CCDC126: variants seen among roughly 807,000 people sequenced by gnomAD.
CCDC126 encodes the protein coiled-coil domain-containing protein 126.
Under a neutral mutation model 11.7 loss-of-function variants are expected in CCDC126, and 5 were observed. That is an observed-to-expected ratio of 0.43 (90% CI 0.22 to 0.90). The LOEUF is 0.90. Among genes scored for constraint, CCDC126 ranks in the 40% least tolerant of loss-of-function variants. The pLI is 0.27. For synonymous variants in CCDC126, 60 were observed against 61.9 expected (o/e 0.97, Z 0.14); for missense variants, 150 against 163.1 (o/e 0.92, Z 0.44).
At chr7:23,617,370 A>G (rs896200931) in intron 3 of CCDC126, among the ~76,000 whole-genome samples, 2 of 151,592 alleles carry the variant, frequency 1.3e-5, no homozygotes, top group East Asian at 1.9e-4. Flanking sequence ...AAAAAAAAAA[A>G]AAAAGAAAAG....
intron 3 of CCDC126, among the ~76,000 whole-genome samples, chr7:23,638,415 T>C (rs373271195): frequency 5.0e-5 from 4 of 80,168 alleles, no homozygotes; most frequent in African/African-American, 1.2e-4. Context: ...TGTGACCTTA[T>C]CTCCAACCCT....
intron 3 of CCDC126, among the ~76,000 whole-genome samples, chr7:23,632,710 GTTAATTT>G (rs1318571732): frequency 2.6e-5 from 4 of 152,172 alleles, no homozygotes; most frequent in African/African-American, 9.6e-5. Context: ...AAAACAAAAA[GTTAATTT>G]AACAATTAAG....
chr7:23,603,827 A>T (rs1782579152), intron 2 of CCDC126, among the ~76,000 whole-genome samples: 1 of 152,144 alleles, frequency 6.6e-6, no homozygotes, highest in South Asian at 2.1e-4. Flanking sequence ...GTGACGGCTG[A>T]TTGTTCACTA....
chr7:23,629,603 A>G (rs1017920493), intron 3 of CCDC126, among the ~76,000 whole-genome samples: 1 of 152,200 alleles, frequency 6.6e-6, no homozygotes, highest in African/African-American at 2.4e-5. Context: ...AAAAAAAAAA[A>G]TAGAAAGTCT....
At chr7:23,616,697 A>G (rs1006526219) in intron 3 of CCDC126, among the ~76,000 whole-genome samples, 1 of 151,988 alleles carries the variant, frequency 6.6e-6, no homozygotes, top group South Asian at 2.1e-4. Flanking sequence ...ATGTGACTTA[A>G]TTTTTGGAAT....
At position 23,642,942 on chromosome 7, in the gene CCDC126, A is replaced by G. The variant is rs755043497; in HGVS notation, c.250A>G (p.Arg84Gly). ...ATTTATTCCCCTAGCGGATCTGAAA[A>G]GAACAATTGCTGTCCTTCTGGATGA... ...ASMAGYADLK[R>G]TIAVLLDDIL... Residue 84 changes from arginine to glycine, a missense_variant, in exon 4 of 4, where the codon AGA (arginine) becomes GGA (glycine). Physicochemically the swap from Arg to Gly is moderately radical, Grantham distance 125. Coordinates refer to ENST00000307471, the MANE Select transcript of CCDC126 (RefSeq NM_138771.4). 1.2e-5 allele frequency: 20 copies of G among 1,613,764 alleles called. No individual in the cohort carries two copies. The South Asian group carries it at 2.0e-4, about 16-fold the overall frequency.
intron 3 of CCDC126, among the ~76,000 whole-genome samples, chr7:23,613,441 T>A (rs1412332413): frequency 6.6e-6 from 1 of 152,248 alleles, no homozygotes; most frequent in African/African-American, 2.4e-5. Flanking sequence ...CCACCCATTT[T>A]AAATTCTTTC....
intron 3 of CCDC126, among the ~76,000 whole-genome samples, chr7:23,636,273 C>T: frequency 6.6e-6 from 1 of 152,022 alleles, no homozygotes; most frequent in Non-Finnish European, 1.5e-5. Flanking sequence ...AGCCTCTGCC[C>T]AGCCGCCACC....
intron 3 of CCDC126, among the ~76,000 whole-genome samples, chr7:23,635,237 T>C (rs928180295): frequency 1.3e-5 from 2 of 152,192 alleles, no homozygotes; most frequent in African/African-American, 4.8e-5. Context: ...TTTCAAACAT[T>C]TGTCGAGTGT....
chr7:23,643,187 C>A lies in CCDC126; in HGVS notation c.*72C>A. The A allele has an allele frequency of 1.5e-6, 2 of 1,364,800 alleles. No individual in the cohort carries two copies. Among genetic ancestry groups the A allele is most frequent in the Non-Finnish European group, 2.0e-6 (2 of 987,590 alleles). 84.5% of individuals were successfully genotyped at this position (1,364,800 alleles called of 1,614,324 possible). A position where few individuals can be genotyped will look rare whatever the true frequency, so the allele number is the denominator to read the frequency against. On this transcript the variant is annotated 3_prime_UTR_variant, in exon 4 of 4. Coordinates refer to ENST00000307471, the MANE Select transcript of CCDC126 (RefSeq NM_138771.4). ...CTATGGCAGAAAAGCTTTATAATTG[C>A]TGGCTTAGGACAGAGCAATACTTTA...
rs1783405991 is a variant in CCDC126 at position 23,643,678 on chromosome 7, T to G, written c.*563T>G. ...CCAAAGAATGTATTGATTTGCACTA[T>G]CCTTCAGAATAACTGAAGGTTAATT... On this transcript the variant is annotated 3_prime_UTR_variant, in exon 4 of 4. Transcript: ENST00000307471. The G allele has an allele frequency of 6.6e-6, 1 of 152,638 alleles. No homozygotes were observed. The highest frequency in any genetic ancestry group is 1.5e-5 in the Non-Finnish European group (1 of 68,012). 9.5% of individuals were successfully genotyped at this position (152,638 alleles called of 1,614,324 possible).
intron 3 of CCDC126, among the ~76,000 whole-genome samples, chr7:23,630,019 C>G (rs1209471548): frequency 6.6e-6 from 1 of 151,994 alleles, no homozygotes; most frequent in East Asian, 1.9e-4. Flanking sequence ...AATTTCATGC[C>G]AAGACAACAT....
intron 3 of CCDC126, among the ~76,000 whole-genome samples, chr7:23,612,646 C>G (rs1183607681): frequency 1.3e-5 from 2 of 151,924 alleles, no homozygotes; most frequent in Non-Finnish European, 2.9e-5. Context: ...GTACTCCAGC[C>G]TAGGCAAGAG....
intron 3 of CCDC126, among the ~76,000 whole-genome samples, chr7:23,637,752 AG>A (rs1783261155): frequency 3.7e-5 from 2 of 53,666 alleles, no homozygotes; most frequent in African/African-American, 6.4e-5. Context: ...CCGGGAGGTG[AG>A]GGGCGCCTCT....
At chr7:23,629,338 A>G (rs1241032263) in intron 3 of CCDC126, among the ~76,000 whole-genome samples, 1 of 152,170 alleles carries the variant, frequency 6.6e-6, no homozygotes, top group Non-Finnish European at 1.5e-5. Flanking sequence ...CACCTAGAAG[A>G]CACCATCTGT....
chr7:23,640,508 AT>A (rs200780694), intron 3 of CCDC126, among the ~76,000 whole-genome samples: 27 of 151,188 alleles, frequency 1.8e-4, no homozygotes, highest in African/African-American at 3.9e-4. Context: ...AAAAAAAAAA[AT>A]TTTTTTTTTA....
At chr7:23,638,727 T>TAAAAAAAAAAAAA (rs70954398) in intron 3 of CCDC126, among the ~76,000 whole-genome samples, 8 of 89,662 alleles carry the variant, frequency 8.9e-5, no homozygotes, top group African/African-American at 1.2e-4. Flanking sequence ...AAAAAAAAAT[T>TAAAAAAAAAAAAA]AAAAAAAAAA....
chr7:23,642,632 G>A (rs1195360999), intron 3 of CCDC126, among the ~76,000 whole-genome samples: 1 of 151,860 alleles, frequency 6.6e-6, no homozygotes, highest in African/African-American at 2.4e-5. Context: ...GCGTGGTGGT[G>A]GGCGCCTGTA....
intron 2 of CCDC126, among the ~76,000 whole-genome samples, chr7:23,603,068 C>A (rs1336693169): frequency 6.6e-6 from 1 of 152,182 alleles, no homozygotes; most frequent in Non-Finnish European, 1.5e-5. Flanking sequence ...GGCCTTTATG[C>A]ACTGCCCCCC....
Sources: allele counts gnomAD v4.1 joint callset (sites outside exome capture counted in the v4.1 genomes callset), GRCh38; gene constraint gnomAD v4.1.1; transcripts MANE v1.5; gene names NCBI Gene and HGNC (gene_info 2026-07-23, HGNC 2026-07-21).